Variants in ITGA4 observed in about 807,000 individuals in gnomAD.
ITGA4 encodes the protein integrin alpha-4.
A neutral mutation model predicts 133.6 loss-of-function variants in ITGA4; 63 were observed. The ratio of observed to expected loss-of-function variants is 0.47; its 90% confidence interval spans 0.38 to 0.58. ITGA4 has a LOEUF of 0.58. Among genes scored for constraint, ITGA4 ranks in the 20% least tolerant of loss-of-function variants. The pLI, the probability that ITGA4 is intolerant of heterozygous loss-of-function variation, is 0.00. For missense variants in ITGA4, 1,076 were observed against 1,252.7 expected, an observed-to-expected ratio of 0.86 and a Z score of 2.13; for synonymous variants, 483 against 438.0, an observed-to-expected ratio of 1.10 and a Z score of -1.28.
At position 181,499,104 on chromosome 2, in the gene ITGA4, C is replaced by T. The variant is rs570794747; in HGVS notation, c.1695+327C>T. On this transcript the variant is annotated intron_variant, in intron 15 of 27. Coordinates refer to ENST00000397033, the MANE Select transcript of ITGA4 (RefSeq NM_000885.6). Reference sequence around the variant, plus strand: ...TACATCTTCAGTAGCTCAACTGAGCCTCAAATCTATTCCGTGGTACGTTTT... The same window carrying T: ...TACATCTTCAGTAGCTCAACTGAGCTTCAAATCTATTCCGTGGTACGTTTT... Among the ~76,000 whole-genome samples, 71 of 152,252 alleles carry T rather than the reference C, an allele frequency of 4.7e-4. No individual in the cohort carries two copies. The South Asian group carries it at 0.014, about 29-fold the overall frequency.
chr2:181,486,686 T>G (rs1685927353), intron 10 of ITGA4, among the ~76,000 whole-genome samples: 1 of 152,220 alleles, frequency 6.6e-6, no homozygotes, highest in Non-Finnish European at 1.5e-5. Context: ...CATTTACTGT[T>G]AAAAATTTGC....
At position 181,534,793 on chromosome 2, in the gene ITGA4, TTTATTTTTC is replaced by T; in HGVS notation, c.2884-19_2884-11del. ...TGATTTTTTTTTTTGGTTTTTGAGT[TTTATTTTTC>T]TTAACTCACGTAGGTTCTACTGGAA... On this transcript the variant is annotated splice_polypyrimidine_tract_variant and intron_variant, in intron 26 of 27. Coordinates refer to ENST00000397033, the MANE Select transcript of ITGA4 (RefSeq NM_000885.6). 6.5e-7 allele frequency: 1 copy of T among 1,532,502 alleles called. No homozygotes were observed. The highest frequency in any genetic ancestry group is 1.4e-5 in the African/African-American group (1 of 71,076). The allele number at this position is 1,532,502 out of a possible 1,614,324, so 94.9% of individuals were successfully genotyped here.
chr2:181,473,016 C>T (rs1395057915), intron 2 of ITGA4, among the ~76,000 whole-genome samples: 1 of 152,246 alleles, frequency 6.6e-6, no homozygotes, highest in Non-Finnish European at 1.5e-5. Flanking sequence ...CAGTCTAGTT[C>T]TCCAGGAAGC....
chr2:181,501,044 C>T (rs1049540725), intron 15 of ITGA4, among the ~76,000 whole-genome samples: 2 of 152,022 alleles, frequency 1.3e-5, no homozygotes, highest in South Asian at 2.1e-4. Context: ...TGAGCAAAGA[C>T]GTGAAGAAAG....
intron 15 of ITGA4, among the ~76,000 whole-genome samples, chr2:181,502,736 T>C (rs910693149): frequency 7.9e-5 from 12 of 152,056 alleles, no homozygotes; most frequent in Non-Finnish European, 1.6e-4. Context: ...AGTAACAAAA[T>C]ACAGGATGGT....
chr2:181,475,862 C>T (rs986703354), intron 4 of ITGA4: 2 of 1,601,830 alleles, frequency 1.2e-6, no homozygotes, highest in East Asian at 2.2e-5. Flanking sequence ...CAGAAGTGAG[C>T]AGAATTGGGG....
chr2:181,484,508 G>T (rs568657760), intron 9 of ITGA4, among the ~76,000 whole-genome samples: 1 of 152,244 alleles, frequency 6.6e-6, no homozygotes, highest in South Asian at 2.1e-4. Flanking sequence ...ATTTGCCCAG[G>T]AGCCAAGCTG....
chr2:181,461,563 G>T (rs1277605677), intron 2 of ITGA4, among the ~76,000 whole-genome samples: 1 of 151,864 alleles, frequency 6.6e-6, no homozygotes, highest in African/African-American at 2.4e-5. Flanking sequence ...CTAAATTAAG[G>T]TGTCACAAAT....
chr2:181,531,903 A>C (rs1686953249), intron 25 of ITGA4, 127 bp downstream of exon 25: 1 of 569,370 alleles, frequency 1.8e-6, no homozygotes, highest in African/African-American at 2.0e-5. Flanking sequence ...TTTGGAGTAA[A>C]ACTCTAAAAC....
chr2:181,472,868 G>A (rs2105724079), intron 2 of ITGA4, among the ~76,000 whole-genome samples: 1 of 151,802 alleles, frequency 6.6e-6, no homozygotes, highest in Non-Finnish European at 1.5e-5. Context: ...AAGTTAACAC[G>A]GAGACCTTAT....
At chr2:181,504,802 C>T (rs367631970) in intron 15 of ITGA4, among the ~76,000 whole-genome samples, 1 of 151,904 alleles carries the variant, frequency 6.6e-6, no homozygotes, top group East Asian at 1.9e-4. Flanking sequence ...TAAGAAAAAT[C>T]TGAGAATGTT....
At chr2:181,505,830 G>A (rs1253994992) in intron 15 of ITGA4, among the ~76,000 whole-genome samples, 1 of 152,114 alleles carries the variant, frequency 6.6e-6, no homozygotes, top group East Asian at 1.9e-4. Context: ...AAGTAAGCTT[G>A]TTGAGAAGAA....
At chr2:181,501,507 A>C (rs966008681) in intron 15 of ITGA4, among the ~76,000 whole-genome samples, 3 of 152,180 alleles carry the variant, frequency 2.0e-5, no homozygotes, top group Admixed American at 6.6e-5. Context: ...TGTGTTGTGA[A>C]TAGAGTAGGA....
At chr2:181,521,189 A>G (rs1179600308) in intron 17 of ITGA4, among the ~76,000 whole-genome samples, 1 of 152,146 alleles carries the variant, frequency 6.6e-6, no homozygotes, top group Non-Finnish European at 1.5e-5. Context: ...AAATTACTAG[A>G]TATCTAAGAA....
At chr2:181,529,753 T>G (rs1686903270) in intron 23 of ITGA4, 105 bp downstream of exon 23, 1 of 637,364 alleles carries the variant, frequency 1.6e-6, no homozygotes, top group South Asian at 2.0e-5. Context: ...TGGATAATTG[T>G]TAACTTACTT....
At chr2:181,484,960 C>G (rs1325431396) in intron 9 of ITGA4, among the ~76,000 whole-genome samples, 1 of 151,892 alleles carries the variant, frequency 6.6e-6, no homozygotes, top group Admixed American at 6.6e-5. Context: ...GCCTTTTTTT[C>G]TTTTTAATAC....
Position 181,458,222 on chromosome 2 carries a change from A to G in ITGA4, c.224A>G (p.Asn75Ser), listed in dbSNP as rs199819029. ...CTCCTAGTGGGTGCGCCCACTGCCA[A>G]CTGGCTCGCCAACGCTTCAGTGATC... is the stretch of plus-strand genomic sequence containing the variant. ...RWLLVGAPTA[N>S]WLANASVINP... is the part of the protein sequence containing the mutation. The change falls in exon 2 of 28, where the codon AAC (asparagine) becomes AGC (serine). Residue 75 changes from asparagine to serine, a missense_variant. This residue lies in a region of ITGA4 where 436 missense variants were observed against 590.7 expected (regional missense o/e 0.74). Coordinates refer to ENST00000397033, the MANE Select transcript of ITGA4 (RefSeq NM_000885.6). 1.1e-5 allele frequency: 18 copies of G among 1,613,960 alleles called. No individual in the cohort carries two copies. Among genetic ancestry groups the G allele is most frequent in the Non-Finnish European group, 1.5e-5 (18 of 1,179,918 alleles).
rs1281192498 is a variant in ITGA4, at chr2:181,537,559, A to T, written c.*2032A>T. 1.4e-5 allele frequency: 6 copies of T among 438,896 alleles called. No individual in the cohort carries two copies. In the Admixed American group the frequency reaches 1.5e-4, roughly 11 times the overall value. 27.2% of individuals were successfully genotyped at this position (438,896 alleles called of 1,614,324 possible). On this transcript the variant is annotated 3_prime_UTR_variant, in exon 28 of 28. Coordinates refer to ENST00000397033, the MANE Select transcript of ITGA4 (RefSeq NM_000885.6). ...ACTGCTCTGGATTAGGGAGCAGTGA[A>T]TCAAGGCAGACTTATGAAATCTGTA...
At chr2:181,510,477 G>T (rs1466110) in intron 16 of ITGA4, among the ~76,000 whole-genome samples, 151,127 of 152,156 alleles carry the variant, frequency 0.99, 75,067 homozygotes, top group Middle Eastern at 1. Flanking sequence ...AAAGACATAG[G>T]GTTTGTCCAA....
Sources: gnomAD v4.1 joint callset for allele counts (sites outside exome capture counted in the v4.1 genomes callset) on GRCh38, gnomAD v4.1.1 for gene constraint, gnomAD v4.1.1 regional missense constraint, MANE v1.5 for transcripts, NCBI Gene and HGNC (gene_info 2026-07-23, HGNC 2026-07-21) for gene names.